ANXA8: variants seen among roughly 807,000 people sequenced by gnomAD.
The protein encoded by ANXA8 is VAC-beta.
In ANXA8, 9 loss-of-function variants were observed where a neutral mutation model predicts 26.8. That is an observed-to-expected ratio of 0.34 (90% CI 0.20 to 0.59). The LOEUF (loss-of-function observed/expected upper bound fraction) is 0.59. ANXA8 is among the 20% of genes least tolerant of loss of function. The probability of loss-of-function intolerance (pLI) is 0.84; values close to 1 mark genes in which losing one functional copy is unlikely to be tolerated. For missense variants in ANXA8, 83 were observed against 238.5 expected (o/e 0.35, Z 4.29); for synonymous variants, 39 against 94.8 (o/e 0.41, Z 3.42).
chr10:47,765,799 T>G, the ANXA8 span, among the ~76,000 whole-genome samples: 3 of 150,398 alleles, frequency 2.0e-5, no homozygotes, highest in East Asian at 2.0e-4. Context: ...TCCCCTCCCA[T>G]TCTCATCCCC....
At chr10:47,481,512 G>A (rs1371754940) in intron 1 of ANXA8, among the ~76,000 whole-genome samples, 2 of 144,632 alleles carry the variant, frequency 1.4e-5, no homozygotes, top group African/African-American at 5.0e-5. Context: ...ATCTGGGAAT[G>A]TGGGAGGCAT....
At chr10:47,743,315 CATAT>C in the ANXA8 span, among the ~76,000 whole-genome samples, 30,664 of 58,446 alleles carry the variant, frequency 0.52, 5,328 homozygotes, top group East Asian at 0.77. Flanking sequence ...TATATATACA[CATAT>C]ATATATATAC....
At chr10:47,566,228 T>C in the ANXA8 span, among the ~76,000 whole-genome samples, 1 of 151,894 alleles carries the variant, frequency 6.6e-6, no homozygotes, top group Admixed American at 6.5e-5. Flanking sequence ...GTCTGGTATT[T>C]AAACCGAAAC....
At chr10:47,644,874 T>C in the ANXA8 span, among the ~76,000 whole-genome samples, 1 of 151,070 alleles carries the variant, frequency 6.6e-6, no homozygotes, top group Non-Finnish European at 1.5e-5. Flanking sequence ...GTTAAAACCA[T>C]TTTGTTAGTA....
the ANXA8 span, among the ~76,000 whole-genome samples, chr10:47,711,370 T>C: frequency 2.0e-5 from 3 of 149,800 alleles, no homozygotes; most frequent in South Asian, 6.2e-4. Context: ...CAGTTTCATT[T>C]GTGGCTTATG....
chr10:47,679,774 C>T, the ANXA8 span, among the ~76,000 whole-genome samples: 22 of 151,680 alleles, frequency 1.5e-4, no homozygotes, highest in Admixed American at 2.6e-4. Context: ...TTTAAAAAGG[C>T]GGGCATGGTG....
At chr10:47,948,980 T>G in the ANXA8 span, among the ~76,000 whole-genome samples, 1 of 141,066 alleles carries the variant, frequency 7.1e-6, no homozygotes, top group Non-Finnish European at 1.5e-5. Flanking sequence ...CTGCCATTTT[T>G]GAACTGAAGT....
the ANXA8 span, among the ~76,000 whole-genome samples, chr10:47,740,940 A>G: frequency 6.6e-6 from 1 of 151,774 alleles, no homozygotes; most frequent in Non-Finnish European, 1.5e-5. Context: ...CAGTGCTCCA[A>G]AGTTGTGCAG....
chr10:47,909,887 A>T, the ANXA8 span, among the ~76,000 whole-genome samples: 1 of 128,614 alleles, frequency 7.8e-6, no homozygotes, highest in African/African-American at 3.0e-5. Context: ...ACAATTTGAG[A>T]TGGGGAATAG....
chr10:47,491,727 C>G, the ANXA8 span: 1 of 1,545,444 alleles, frequency 6.5e-7, no homozygotes, highest in African/African-American at 1.4e-5. Flanking sequence ...GCCCAACATG[C>G]TTTTATAGCT....
the ANXA8 span, among the ~76,000 whole-genome samples, chr10:47,658,928 G>C: frequency 6.7e-6 from 1 of 148,462 alleles, no homozygotes; most frequent in Non-Finnish European, 1.5e-5. Flanking sequence ...CTGGAGTGCA[G>C]TGGCATGGTC....
the ANXA8 span, among the ~76,000 whole-genome samples, chr10:47,550,231 G>A: frequency 4.6e-5 from 7 of 152,060 alleles, no homozygotes; most frequent in African/African-American, 1.2e-4. Flanking sequence ...ACCACTGGAC[G>A]TTTGTTTCAT....
the ANXA8 span, among the ~76,000 whole-genome samples, chr10:47,673,319 A>T: frequency 6.6e-6 from 1 of 151,646 alleles, no homozygotes; most frequent in Non-Finnish European, 1.5e-5. Context: ...TTGCTGAGAA[A>T]AATCCAGCAG....
chr10:47,991,441 A>C, the ANXA8 span, among the ~76,000 whole-genome samples: 1 of 110,386 alleles, frequency 9.1e-6, no homozygotes, highest in Non-Finnish European at 1.9e-5. Context: ...TCCCCCTTGC[A>C]TTTCTAGATT....
the ANXA8 span, among the ~76,000 whole-genome samples, chr10:47,612,774 C>CATGTTA: frequency 1.4e-5 from 1 of 73,924 alleles, no homozygotes; most frequent in Non-Finnish European, 3.4e-5. Context: ...GCATACTCAG[C>CATGTTA]CCTCTTGCCA....
chr10:47,667,801 G>T, the ANXA8 span, among the ~76,000 whole-genome samples: 2 of 151,894 alleles, frequency 1.3e-5, no homozygotes, highest in Non-Finnish European at 2.9e-5. Context: ...GCAGTGGTGC[G>T]ATCTCGGTTC....
chr10:47,667,165 C>T, the ANXA8 span, among the ~76,000 whole-genome samples: 3 of 152,008 alleles, frequency 2.0e-5, no homozygotes, highest in Non-Finnish European at 2.9e-5. Flanking sequence ...ACTTCTGTTT[C>T]TTCTCCTCTT....
At chr10:47,688,055 C>T in the ANXA8 span, among the ~76,000 whole-genome samples, 2 of 151,194 alleles carry the variant, frequency 1.3e-5, no homozygotes, top group African/African-American at 2.4e-5. Context: ...GAGCTGAGAT[C>T]GCGTCATTGC....
chr10:47,640,263 TTG>T, the ANXA8 span, among the ~76,000 whole-genome samples: 3 of 118,420 alleles, frequency 2.5e-5, no homozygotes, highest in African/African-American at 4.2e-5. Context: ...CTCTAAGGAC[TTG>T]TTTTTTCCCT....
Sources: gnomAD v4.1 joint callset for allele counts (sites outside exome capture counted in the v4.1 genomes callset) on GRCh38, gnomAD v4.1.1 for gene constraint, MANE v1.5 for transcripts, NCBI Gene and HGNC (gene_info 2026-07-23, HGNC 2026-07-21) for gene names.